Variants in ADAMTS19 observed in about 807,000 individuals in gnomAD.
ADAMTS19 encodes ADAM metallopeptidase with thrombospondin type 1 motif 19, also known as A disintegrin and metalloproteinase with thrombospondin motifs 19.
Under a neutral mutation model 153.3 loss-of-function variants are expected in ADAMTS19, and 93 were observed. The observed-to-expected ratio is 0.61, with a 90% CI of 0.51 to 0.72. The LOEUF is 0.72. Among genes scored for constraint, ADAMTS19 ranks in the 30% least tolerant of loss-of-function variants. ADAMTS19 has a pLI of 0.00. For synonymous variants in ADAMTS19, 600 were observed against 556.6 expected (o/e 1.08, Z -1.10); for missense variants, 1,482 against 1,552.1 (o/e 0.95, Z 0.76).
chr5:129,720,874 G>A (rs1175299138), intron 21 of ADAMTS19, among the ~76,000 whole-genome samples: 1 of 152,194 alleles, frequency 6.6e-6, no homozygotes, highest in East Asian at 1.9e-4. Context: ...GGTGAATTTG[G>A]CAGAGACATG....
At chr5:129,537,074 A>C (rs1390352669) in intron 6 of ADAMTS19, among the ~76,000 whole-genome samples, 1 of 151,840 alleles carries the variant, frequency 6.6e-6, no homozygotes, top group Non-Finnish European at 1.5e-5. Flanking sequence ...ATTTAAAAAA[A>C]AGAAAAAAGA....
chr5:129,527,704 AT>A, intron 4 of ADAMTS19, 43 bp from the exon 5 acceptor site: 1 of 1,146,612 alleles, frequency 8.7e-7, no homozygotes, highest in Non-Finnish European at 1.3e-6. Context: ...AATTAAGATG[AT>A]TTTCAGTTTA....
rs1581198229 is a variant in ADAMTS19 at position 129,660,294 on chromosome 5, T to G, written c.2425+1557T>G. Among the ~76,000 whole-genome samples the G allele has an allele frequency of 2.0e-5, 3 of 152,176 alleles. No individual in the cohort carries two copies. The East Asian group carries it at 5.8e-4, about 29-fold the overall frequency. ...CACTCCTTTAGAAAAAATAAATAAA[T>G]AAATACTTAGCTGAAACAGGCTCTC... is the stretch of plus-strand genomic sequence containing the variant. On this transcript the variant is annotated intron_variant, in intron 15 of 22. Coordinates refer to ENST00000274487, the MANE Select transcript of ADAMTS19 (RefSeq NM_133638.6).
At chr5:129,580,328 A>T (rs1052836666) in intron 7 of ADAMTS19, among the ~76,000 whole-genome samples, 4 of 152,100 alleles carry the variant, frequency 2.6e-5, no homozygotes, top group African/African-American at 9.7e-5. Flanking sequence ...CCTTAAGGAG[A>T]TTTTGGGCTG....
chr5:129,468,014 C>T (rs1198492983), intron 2 of ADAMTS19, among the ~76,000 whole-genome samples: 7 of 152,152 alleles, frequency 4.6e-5, no homozygotes, highest in South Asian at 2.1e-4. Context: ...CCTTTTTTTA[C>T]GTCCTCTTAT....
intron 21 of ADAMTS19, among the ~76,000 whole-genome samples, chr5:129,710,451 C>A (rs1327104791): frequency 6.6e-6 from 1 of 152,050 alleles, no homozygotes; most frequent in African/African-American, 2.4e-5. Flanking sequence ...ATGTATCTTT[C>A]ACGAAAGAAG....
intron 10 of ADAMTS19, among the ~76,000 whole-genome samples, chr5:129,625,977 G>A (rs1448064734): frequency 6.6e-6 from 1 of 151,912 alleles, no homozygotes; most frequent in Non-Finnish European, 1.5e-5. Context: ...ATGGTTTTAG[G>A]TCTAACATTT....
intron 6 of ADAMTS19, among the ~76,000 whole-genome samples, chr5:129,549,142 A>G (rs1752972709): frequency 6.6e-6 from 1 of 151,020 alleles, no homozygotes; most frequent in Non-Finnish European, 1.5e-5. Flanking sequence ...AAACCTGCAC[A>G]TTGTGCACAT....
chr5:129,532,111 G>C (rs967836705), intron 6 of ADAMTS19, among the ~76,000 whole-genome samples: 4 of 152,050 alleles, frequency 2.6e-5, no homozygotes, highest in African/African-American at 7.2e-5. Flanking sequence ...TGATTTCTTA[G>C]ATAGGGTAAA....
chr5:129,481,600 AATGC>A (rs1246869185), intron 2 of ADAMTS19, among the ~76,000 whole-genome samples: 10 of 152,324 alleles, frequency 6.6e-5, no homozygotes, highest in African/African-American at 2.2e-4. Context: ...ATTTCTTAAC[AATGC>A]ATTTTAGTGG....
At chr5:129,572,431 A>G (rs1753943162) in intron 7 of ADAMTS19, among the ~76,000 whole-genome samples, 1 of 151,970 alleles carries the variant, frequency 6.6e-6, no homozygotes, top group African/African-American at 2.4e-5. Context: ...ATTTACTTCA[A>G]AAAAACGAAA....
chr5:129,463,453 C>G (rs190703147), intron 2 of ADAMTS19, among the ~76,000 whole-genome samples: 3 of 152,252 alleles, frequency 2.0e-5, no homozygotes, highest in Non-Finnish European at 2.9e-5. Context: ...ACATACATCC[C>G]TGTTTATCAT....
chr5:129,473,091 CA>C (rs970273428), intron 2 of ADAMTS19, among the ~76,000 whole-genome samples: 3 of 148,886 alleles, frequency 2.0e-5, no homozygotes, highest in African/African-American at 7.4e-5. Flanking sequence ...TCTCAAATGA[CA>C]AAAAAATAAA....
chr5:129,691,624 C>T (rs1445436498), intron 18 of ADAMTS19, among the ~76,000 whole-genome samples: 1 of 152,018 alleles, frequency 6.6e-6, no homozygotes, highest in Non-Finnish European at 1.5e-5. Context: ...TTTTCTAATT[C>T]TATTGTTTTT....
intron 3 of ADAMTS19, 38 bp from the exon 4 acceptor site, chr5:129,526,246 T>A: frequency 6.6e-7 from 1 of 1,507,774 alleles, no homozygotes; most frequent in Non-Finnish European, 8.9e-7. Context: ...ACTTTGCCAA[T>A]ATGAAGGTGC....
intron 18 of ADAMTS19, among the ~76,000 whole-genome samples, chr5:129,691,101 A>G (rs2127142106): frequency 6.6e-6 from 1 of 152,242 alleles, no homozygotes; most frequent in South Asian, 2.1e-4. Context: ...TTTTATAGTA[A>G]AAAGTGTCAG....
intron 10 of ADAMTS19, among the ~76,000 whole-genome samples, chr5:129,622,905 T>C (rs1189670348): frequency 6.6e-6 from 1 of 152,192 alleles, no homozygotes; most frequent in African/African-American, 2.4e-5. Flanking sequence ...ATTGTTCTTT[T>C]TTTTAAATTT....
intron 19 of ADAMTS19, among the ~76,000 whole-genome samples, chr5:129,695,576 A>G (rs1391486918): frequency 6.6e-6 from 1 of 152,152 alleles, no homozygotes; most frequent in Non-Finnish European, 1.5e-5. Flanking sequence ...ATAATTTTGG[A>G]CCAGCCTAGC....
chr5:129,638,186 C>T (rs903377432), intron 10 of ADAMTS19, among the ~76,000 whole-genome samples: 4 of 152,178 alleles, frequency 2.6e-5, no homozygotes, highest in Admixed American at 2.0e-4. Flanking sequence ...TGTTGAGAAT[C>T]TAAGTTCCTT....
Sources: gnomAD v4.1 joint callset for allele counts (sites outside exome capture counted in the v4.1 genomes callset) on GRCh38, gnomAD v4.1.1 for gene constraint, MANE v1.5 for transcripts, NCBI Gene and HGNC (gene_info 2026-07-23, HGNC 2026-07-21) for gene names.